Variants in TRMT11 observed in about 807,000 individuals in gnomAD.
The protein encoded by TRMT11 is tRNA methyltransferase 11.
Under a neutral mutation model 62.8 loss-of-function variants are expected in TRMT11, and 53 were observed. That is an observed-to-expected ratio of 0.84 (90% CI 0.68 to 1.06). TRMT11 has a LOEUF of 1.06. TRMT11 is among the 50% of genes least tolerant of loss of function. The pLI, the probability that TRMT11 is intolerant of heterozygous loss-of-function variation, is 0.00. For synonymous variants in TRMT11, 188 were observed against 190.3 expected (o/e 0.99, Z 0.10); for missense variants, 556 against 553.4 (o/e 1.00, Z -0.05).
chr6:126,191,719 T>C (rs988427087), intron 1 of TRMT11, among the ~76,000 whole-genome samples: 5 of 152,088 alleles, frequency 3.3e-5, no homozygotes, highest in African/African-American at 1.2e-4. Flanking sequence ...CTACAATGTA[T>C]GTTCTTGGTA....
intron 12 of TRMT11, among the ~76,000 whole-genome samples, chr6:126,024,288 T>G (rs186548683): frequency 6.6e-6 from 1 of 152,368 alleles, no homozygotes; most frequent in African/African-American, 2.4e-5. Flanking sequence ...CTTACAGTTC[T>G]GGAGGCTGGA....
At chr6:126,036,493 G>T (rs1051383724) in intron 12 of TRMT11, among the ~76,000 whole-genome samples, 3 of 152,006 alleles carry the variant, frequency 2.0e-5, no homozygotes, top group African/African-American at 7.2e-5. Context: ...GTGGATTTGA[G>T]ATGTTTAGGA....
chr6:126,016,163 C>G (rs1339738647), intron 11 of TRMT11, among the ~76,000 whole-genome samples: 1 of 152,126 alleles, frequency 6.6e-6, no homozygotes, highest in African/African-American at 2.4e-5. Context: ...CCAAGTGATT[C>G]TTTTTTCCAT....
chr6:126,044,057 A>C (rs537145689), downstream of TRMT11, among the ~76,000 whole-genome samples: 3 of 151,510 alleles, frequency 2.0e-5, no homozygotes, highest in Admixed American at 6.6e-5. Flanking sequence ...TCTTTAGTTT[A>C]ATTAGATCCC....
chr6:126,005,014 C>T (rs557622143), intron 7 of TRMT11, among the ~76,000 whole-genome samples: 9 of 152,022 alleles, frequency 5.9e-5, no homozygotes, highest in African/African-American at 1.7e-4. Flanking sequence ...TCCACTTTCC[C>T]AAAGGGGAAG....
chr6:126,029,224 A>G (rs1191165248), intron 12 of TRMT11, among the ~76,000 whole-genome samples: 1 of 152,138 alleles, frequency 6.6e-6, no homozygotes, highest in Non-Finnish European at 1.5e-5. Flanking sequence ...ATGATCTTCT[A>G]AGAATCTAAC....
upstream of TRMT11, chr6:126,177,073 G>T (rs1157949161): frequency 6.6e-6 from 1 of 151,892 alleles, no homozygotes; most frequent in Admixed American, 6.6e-5. Flanking sequence ...GAGTAAAATG[G>T]GTCATGTAGG....
intron 7 of TRMT11, among the ~76,000 whole-genome samples, chr6:126,005,914 C>T (rs573447895): frequency 5.9e-5 from 9 of 151,990 alleles, no homozygotes; most frequent in African/African-American, 2.2e-4. Context: ...TACTCCTTGG[C>T]CATGTCTACC....
At chr6:126,249,444 A>G in the TRMT11 span, among the ~76,000 whole-genome samples, 2 of 152,246 alleles carry the variant, frequency 1.3e-5, no homozygotes, top group East Asian at 3.9e-4. Context: ...TTAAATAACT[A>G]TAATATTGTA....
At chr6:126,094,090 G>GAT (rs1777313366) in intron 17 of TRMT11, among the ~76,000 whole-genome samples, 1 of 150,800 alleles carries the variant, frequency 6.6e-6, no homozygotes, top group South Asian at 2.1e-4. Flanking sequence ...TAGAAAATGT[G>GAT]ATACACACAC....
chr6:126,173,312 T>C (rs1026064397), upstream of TRMT11, among the ~76,000 whole-genome samples: 1 of 152,182 alleles, frequency 6.6e-6, no homozygotes, highest in Non-Finnish European at 1.5e-5. Context: ...CAAAAAAGTA[T>C]TGAGTAACAT....
downstream of TRMT11, among the ~76,000 whole-genome samples, chr6:126,040,402 G>T (rs1412627381): frequency 6.6e-6 from 1 of 152,092 alleles, no homozygotes; most frequent in African/African-American, 2.4e-5. Context: ...TAGGCTCAGA[G>T]TATAATTTGT....
intron 12 of TRMT11, among the ~76,000 whole-genome samples, chr6:126,022,778 A>C (rs1796018458): frequency 6.6e-6 from 1 of 152,222 alleles, no homozygotes. Context: ...ATTGGTATCT[A>C]CTATATGTAT....
At chr6:126,247,735 T>C in the TRMT11 span, among the ~76,000 whole-genome samples, 1 of 151,374 alleles carries the variant, frequency 6.6e-6, no homozygotes, top group African/African-American at 2.4e-5. Context: ...TAGGAACATA[T>C]AGAAGTAAAG....
chr6:126,159,634 A>G (rs1562336961), intron 21 of TRMT11, among the ~76,000 whole-genome samples: 1 of 152,206 alleles, frequency 6.6e-6, no homozygotes, highest in Non-Finnish European at 1.5e-5. Context: ...CTGCCATAAC[A>G]CAGTATTATT....
chr6:126,039,436 A>G (rs1408101862), downstream of TRMT11, among the ~76,000 whole-genome samples: 3 of 152,066 alleles, frequency 2.0e-5, no homozygotes, highest in Non-Finnish European at 4.4e-5. Context: ...AGGCCTGTCT[A>G]CATTTGAAGC....
intron 12 of TRMT11, among the ~76,000 whole-genome samples, chr6:126,033,043 A>G (rs1203894226): frequency 6.6e-6 from 1 of 152,158 alleles, no homozygotes. Context: ...AAGCAAACCA[A>G]TAAAGCAGCT....
At chr6:126,137,011 A>T (rs898533713) in intron 21 of TRMT11, among the ~76,000 whole-genome samples, 1 of 151,838 alleles carries the variant, frequency 6.6e-6, no homozygotes, top group Non-Finnish European at 1.5e-5. Context: ...AAAGACTTAA[A>T]TGTAAAATCT....
intron 4 of TRMT11, 23 bp downstream of exon 4, chr6:125,998,157 A>AT: frequency 1.9e-6 from 3 of 1,604,190 alleles, no homozygotes; most frequent in Non-Finnish European, 2.6e-6. Flanking sequence ...ATGTGGTTTT[A>AT]TATAGGCATG....
Sources: allele counts gnomAD v4.1 joint callset (sites outside exome capture counted in the v4.1 genomes callset), GRCh38; gene constraint gnomAD v4.1.1; transcripts MANE v1.5; gene names NCBI Gene and HGNC (gene_info 2026-07-23, HGNC 2026-07-21).